Variants in DGKZ observed in about 807,000 individuals in gnomAD.
DGKZ encodes the protein DAG kinase zeta.
A neutral mutation model predicts 142.5 loss-of-function variants in DGKZ; 45 were observed. The observed-to-expected ratio is 0.32, with a 90% CI of 0.25 to 0.40. The LOEUF is 0.40. DGKZ is among the 10% of genes least tolerant of loss of function. The pLI is 1.00. For missense variants in DGKZ, 755 were observed against 1,306.5 expected (o/e 0.58, Z 6.51); for synonymous variants, 442 against 527.0 (o/e 0.84, Z 2.21).
In DGKZ at chr11:46,374,355, A is replaced by C. The variant is rs1944306855; in HGVS notation, c.1406-44A>C. ...AGCCCTCCCCCAACCCCACCTGGGC[A>C]GGCTGGGGTGACTCACTGGCCCCCA... On this transcript the variant is annotated intron_variant, in intron 15 of 30. Coordinates refer to ENST00000527911, the Ensembl canonical transcript of DGKZ. 3.7e-6 allele frequency: 6 copies of C among 1,612,660 alleles called. No homozygotes were observed. The South Asian group carries it at 5.5e-5, about 15-fold the overall frequency.
upstream of DGKZ, among the ~76,000 whole-genome samples, chr11:46,344,451 A>ATTTT (rs552917575): frequency 9.0e-5 from 12 of 133,928 alleles, no homozygotes; most frequent in African/African-American, 1.7e-4. Context: ...CATGAGCTCA[A>ATTTT]TTTTTTTTTT....
At chr11:46,379,175 T>A in intron 28 of DGKZ, 28 bp from the exon 29 acceptor site, 1 of 1,612,634 alleles carries the variant, frequency 6.2e-7, no homozygotes. Flanking sequence ...CTGCCAGGCC[T>A]CTCTGACCAC....
chr11:46,363,928 G>A (rs977570621), intron 1 of DGKZ, among the ~76,000 whole-genome samples: 11 of 152,212 alleles, frequency 7.2e-5, no homozygotes, highest in Admixed American at 3.3e-4. Context: ...CTGACTGGCC[G>A]TGGGACTGTG....
chr11:46,353,560 C>T (rs1168383391), intron 1 of DGKZ, among the ~76,000 whole-genome samples: 3 of 152,242 alleles, frequency 2.0e-5, no homozygotes, highest in South Asian at 2.1e-4. Context: ...CTGGGTCTGG[C>T]GTGGAGGACA....
intron 1 of DGKZ, among the ~76,000 whole-genome samples, chr11:46,352,895 G>A (rs1941582299): frequency 6.6e-6 from 1 of 152,258 alleles, no homozygotes; most frequent in Non-Finnish European, 1.5e-5. Context: ...TGGGTCACAG[G>A]TGTGGAGGGT....
intron 6 of DGKZ, among the ~76,000 whole-genome samples, chr11:46,371,004 G>T (rs1350720757): frequency 6.6e-6 from 1 of 152,334 alleles, no homozygotes; most frequent in East Asian, 1.9e-4. Flanking sequence ...AGAATCGCTT[G>T]AACCTGGAAG....
chr11:46,371,418 T>TG, intron 7 of DGKZ, 34 bp downstream of exon 7: 2 of 1,611,528 alleles, frequency 1.2e-6, no homozygotes, highest in Non-Finnish European at 1.7e-6. Context: ...GGCCAGGCCC[T>TG]GCACTGCTGG....
At chr11:46,365,566 G>A (rs1943156077) in intron 1 of DGKZ, 1 of 985,256 alleles carries the variant, frequency 1.0e-6, no homozygotes, top group African/African-American at 1.7e-5. Context: ...CCTGAGACCT[G>A]GTCTCCCCTG....
Position 46,367,259 on chromosome 11 carries a change from A to C in DGKZ, c.162-32A>C. Reference sequence around the variant, plus strand: ...GAGGAAGTAGGGTCAGCAAGTGCTCAGCCCCCTCCTCAGCTGTCTTCTCCT... The same window carrying C: ...GAGGAAGTAGGGTCAGCAAGTGCTCCGCCCCCTCCTCAGCTGTCTTCTCCT... On this transcript the variant is annotated intron_variant, in intron 1 of 30. Coordinates refer to ENST00000527911, the Ensembl canonical transcript of DGKZ. This position sits in a 1 kb window ranked among gnomAD's most constrained non-coding sequence, Gnocchi z 4.1. 1 of 1,582,688 alleles carries C rather than the reference A, an allele frequency of 6.3e-7. No homozygotes were observed. The highest frequency in any genetic ancestry group is 8.7e-7 in the Non-Finnish European group (1 of 1,155,524).
chr11:46,378,078 G>C, intron 25 of DGKZ, 120 bp from the exon 26 acceptor site: 3 of 1,272,142 alleles, frequency 2.4e-6, no homozygotes, highest in South Asian at 2.6e-5. Flanking sequence ...AATAGTGCTT[G>C]GTGTGTAGCA....
chr11:46,338,129 C>T (rs1306496001), intron 1 of DGKZ, among the ~76,000 whole-genome samples: 1 of 152,230 alleles, frequency 6.6e-6, no homozygotes, highest in Non-Finnish European at 1.5e-5. Context: ...TTCATAGACA[C>T]TGAACTTAAC....
chr11:46,379,272 C>A (rs369357982), intron 29 of DGKZ, 36 bp downstream of exon 29: 2 of 1,612,222 alleles, frequency 1.2e-6, no homozygotes, highest in Non-Finnish European at 1.7e-6. Flanking sequence ...GTGGTCACCC[C>A]GGAAACCACC....
intron 1 of DGKZ, among the ~76,000 whole-genome samples, chr11:46,341,952 C>T (rs144624990): frequency 5.3e-4 from 81 of 152,228 alleles, no homozygotes; most frequent in African/African-American, 1.7e-3. Flanking sequence ...TAAGGAGCCG[C>T]GAAGGTCAGG....
At chr11:46,366,364 C>T (rs1370447113) in intron 1 of DGKZ, 11 of 1,524,264 alleles carry the variant, frequency 7.2e-6, no homozygotes, top group Non-Finnish European at 8.8e-6. Context: ...CCCGGCGTCG[C>T]TCCCCCGCTG....
In DGKZ at chr11:46,378,235, G is replaced by T. The variant is rs748867412; in HGVS notation, c.2374+6G>T. ...GGATGCTGCACCCCCTCAAGGTGAG[G>T]CCTCTCCCTCTGGGGCCCCTCCTTT... On this transcript the variant is annotated splice_donor_region_variant and intron_variant, in intron 26 of 30. Coordinates refer to ENST00000527911, the Ensembl canonical transcript of DGKZ. The T allele has an allele frequency of 6.2e-7, 1 of 1,605,866 alleles. No individual in the cohort carries two copies. Among genetic ancestry groups the T allele is most frequent in the Non-Finnish European group, 8.5e-7 (1 of 1,176,736 alleles).
At chr11:46,375,227 T>TC (rs1410379646) in intron 19 of DGKZ, among the ~76,000 whole-genome samples, 182 bp downstream of exon 19, 1 of 152,106 alleles carries the variant, frequency 6.6e-6, no homozygotes, top group Non-Finnish European at 1.5e-5. Context: ...ATACCTTCAC[T>TC]CCCCACTCTG....
chr11:46,374,510 G>T, intron 16 of DGKZ, 56 bp downstream of exon 16: 3 of 1,613,498 alleles, frequency 1.9e-6, no homozygotes, highest in Non-Finnish European at 8.5e-7. Flanking sequence ...CCGTGCCCGT[G>T]CCCACCTGTG....
Position 46,378,821 on chromosome 11 carries a change from C to T in DGKZ, c.2419-170C>T, listed in dbSNP as rs1013471956. The T allele has an allele frequency of 5.7e-5, 67 of 1,167,410 alleles. No homozygotes were observed. In the Middle Eastern group the frequency reaches 1.1e-3, roughly 19 times the overall value. 72.3% of individuals were successfully genotyped at this position (1,167,410 alleles called of 1,614,324 possible). A position where few individuals can be genotyped will look rare whatever the true frequency, so the allele number is the denominator to read the frequency against. On this transcript the variant is annotated intron_variant, in intron 27 of 30. Coordinates refer to ENST00000527911, the Ensembl canonical transcript of DGKZ. ...CCCACAGGCTGTGGGGTGAGAGGCC[C>T]CTCCTCCGGTGTGCTCCAGAGAGAC...
upstream of DGKZ, among the ~76,000 whole-genome samples, chr11:46,342,578 G>C (rs778369299): frequency 2.0e-5 from 3 of 152,206 alleles, no homozygotes; most frequent in African/African-American, 7.2e-5. Flanking sequence ...CACAGTCTCC[G>C]ATGAGGCCAC....
Sources: allele counts gnomAD v4.1 joint callset (sites outside exome capture counted in the v4.1 genomes callset), GRCh38; gene constraint gnomAD v4.1.1; non-coding constraint Gnocchi (gnomAD v3.1); transcripts MANE v1.5; gene names NCBI Gene and HGNC (gene_info 2026-07-23, HGNC 2026-07-21).